The following TMEM43 variants were observed in gnomAD, a reference collection of about 807,000 sequenced individuals.
TMEM43 encodes the protein transmembrane protein 43.
A neutral mutation model predicts 49.6 loss-of-function variants in TMEM43; 45 were observed. That is an observed-to-expected ratio of 0.91 (90% confidence interval 0.71 to 1.16). The LOEUF (loss-of-function observed/expected upper bound fraction) is 1.16, where lower values mean the gene tolerates loss of function less well. Ranked by LOEUF, TMEM43 falls within the 50% of genes most tolerant of loss-of-function variation. The pLI is 0.00. For missense variants in TMEM43, 532 were observed against 516.6 expected (o/e 1.03, Z -0.29); for synonymous variants, 199 against 207.8 (o/e 0.96, Z 0.36).
intron 10 of TMEM43, among the ~76,000 whole-genome samples, chr3:14,137,432 G>A (rs1187388521): frequency 6.6e-6 from 1 of 152,186 alleles, no homozygotes; most frequent in Non-Finnish European, 1.5e-5. Context: ...AGAAAGGAAG[G>A]CCCTGCAGTG....
At chr3:14,139,063 C>T in intron 10 of TMEM43, 117 bp from the exon 11 acceptor site, 1 of 795,318 alleles carries the variant, frequency 1.3e-6, no homozygotes, top group Non-Finnish European at 2.3e-6. Flanking sequence ...CTCCGTCTGG[C>T]CTGTTCAGAA....
At chr3:14,128,339 T>G (rs1324328355) in intron 1 of TMEM43, among the ~76,000 whole-genome samples, 1 of 152,154 alleles carries the variant, frequency 6.6e-6, no homozygotes, top group African/African-American at 2.4e-5. Flanking sequence ...CCAAGCCCTT[T>G]CTTCCTCCAC....
At chr3:14,133,376 A>T (rs993311725) in intron 6 of TMEM43, among the ~76,000 whole-genome samples, 4 of 152,310 alleles carry the variant, frequency 2.6e-5, no homozygotes, top group African/African-American at 9.6e-5. Flanking sequence ...GGCCTTGTTC[A>T]GCAATGGTCT....
chr3:14,130,848 A>G lies in TMEM43; in HGVS notation c.189A>G (p.Ser63=), dbSNP rs934304715. 63 of 1,613,666 alleles carry G rather than the reference A, an allele frequency of 3.9e-5. No homozygotes were observed. The highest frequency in any genetic ancestry group is 5.0e-5 in the Non-Finnish European group (59 of 1,179,886). ...GCCGCGCATTGAAGACGGCAACCTC[A>G]TTGGCTGAGGGGCTCTCGCTTGTGG... The part of the protein sequence containing the change: ...NEGRALKTAT[S]LAEGLSLVVS... The change falls in exon 3 of 12, where the codon TCA becomes TCG. Residue 63 remains serine (S), a synonymous_variant. Transcript: ENST00000306077.
At chr3:14,134,218 G>A (rs1349775669) in intron 7 of TMEM43, among the ~76,000 whole-genome samples, 1 of 152,246 alleles carries the variant, frequency 6.6e-6, no homozygotes, top group Admixed American at 6.5e-5. Flanking sequence ...GAAGGCACTA[G>A]CTTATCACAG....
intron 1 of TMEM43, chr3:14,128,721 T>G (rs1574936251): frequency 3.7e-6 from 1 of 272,732 alleles, no homozygotes; most frequent in East Asian, 1.3e-4. Context: ...CTTGGCAGTT[T>G]CATAAAAAGT....
rs760936714 is a variant in TMEM43, at chr3:14,135,154, C to G, written c.706-4C>G. 36 of 1,611,500 alleles carry G rather than the reference C, an allele frequency of 2.2e-5. No individual in the cohort carries two copies. Among genetic ancestry groups the G allele is most frequent in the Non-Finnish European group, 3.1e-5 (36 of 1,179,576 alleles). On this transcript the variant is annotated splice_region_variant and splice_polypyrimidine_tract_variant and intron_variant, in intron 8 of 11. Transcript: ENST00000306077. Reference sequence around the variant, plus strand: ...CACTCTCCCTGCTTCTCTTCCACCCCCAGGTGGGAGACTTGCGTGTCTCCT... The same window carrying G: ...CACTCTCCCTGCTTCTCTTCCACCCGCAGGTGGGAGACTTGCGTGTCTCCT...
rs1695218671 is a variant in TMEM43, at chr3:14,139,289, A to T, written c.992A>T (p.Tyr331Phe). 6.2e-7 allele frequency: 1 copy of T among 1,613,398 alleles called. No homozygotes were observed. The highest frequency in any genetic ancestry group is 8.5e-7 in the Non-Finnish European group (1 of 1,179,402). Residue 331 changes from tyrosine (Y) to phenylalanine (F), a missense_variant, in exon 11 of 12, where the codon TAC (tyrosine) becomes TTC (phenylalanine). By Grantham distance (22) the Tyr-to-Phe change is conservative (BLOSUM62 3). Transcript: ENST00000306077. ...CTCAACCTTATGACACGGATCCTCT[A>T]CACCTTGGGTAGGTGTTGGGGTGGG... ...MGLNLMTRIL[Y>F]TLVDWFPVFR... is the part of the protein sequence containing the mutation.
intron 1 of TMEM43, 182 bp from the exon 2 acceptor site, chr3:14,129,230 G>T: frequency 1.9e-6 from 1 of 534,154 alleles, no homozygotes; most frequent in Non-Finnish European, 3.1e-6. Flanking sequence ...ATGTTGGTCA[G>T]ATGGAATATA....
Position 14,141,587 on chromosome 3 carries a change from C to G in TMEM43, c.1001-6C>G. 1.2e-6 allele frequency: 2 copies of G among 1,614,078 alleles called. No individual in the cohort carries two copies. The highest frequency in any genetic ancestry group is 1.7e-6 in the Non-Finnish European group (2 of 1,179,994). On this transcript the variant is annotated splice_polypyrimidine_tract_variant and splice_region_variant and intron_variant, in intron 11 of 11. Coordinates refer to ENST00000306077, the MANE Select transcript of TMEM43 (RefSeq NM_024334.3). ...TGGCACCTCATCACCTTTCTCCTTT[C>G]CACAGTGGACTGGTTTCCTGTTTTC...
At chr3:14,130,100 CTT>C (rs1183840585) in intron 2 of TMEM43, among the ~76,000 whole-genome samples, 1 of 130,432 alleles carries the variant, frequency 7.7e-6, no homozygotes, top group East Asian at 2.5e-4. Context: ...TTGTTTCTTT[CTT>C]TCTCTCCCTC....
Position 14,135,788 on chromosome 3 carries a change from C to T in TMEM43, c.781-19C>T, listed in dbSNP as rs978411423. 5 of 1,605,846 alleles carry T rather than the reference C, an allele frequency of 3.1e-6. No homozygotes were observed. Among genetic ancestry groups the T allele is most frequent in the East Asian group, 4.5e-5 (2 of 44,850 alleles). On this transcript the variant is annotated intron_variant, in intron 9 of 11. Coordinates refer to ENST00000306077, the MANE Select transcript of TMEM43 (RefSeq NM_024334.3). ...CCCGCTGGTCACCCCTCAGCTCTAA[C>T]ACCAGGTCCTCTGACCAGGTCACTG...
rs145510310 is a variant in TMEM43 at position 14,129,535 on chromosome 3, T to C, written c.136T>C (p.Ser46Pro). ...TGTGGGGCTCATGGCCTTCCTGCTC[T>C]CCTTCTACCTAATTTTCACCAATGA... is the stretch of plus-strand genomic sequence containing the variant. ...MFVGLMAFLL[S>P]FYLIFTNEGR... The change falls in exon 2 of 12, where the codon TCC becomes CCC. Residue 46 changes from serine (S) to proline (P), a missense_variant. Ser to Pro is a moderately conservative substitution (Grantham distance 74). Transcript: ENST00000306077. The C allele has an allele frequency of 1.9e-6, 3 of 1,614,006 alleles. No homozygotes were observed. The highest frequency in any genetic ancestry group is 2.7e-5 in the African/African-American group (2 of 74,902).
intron 1 of TMEM43, among the ~76,000 whole-genome samples, chr3:14,126,066 C>T (rs931864666): frequency 4.6e-5 from 7 of 152,118 alleles, no homozygotes; most frequent in African/African-American, 1.4e-4. Context: ...CAGCTCTCCC[C>T]TTGCCTGTCA....
Position 14,142,109 on chromosome 3 carries a change from T to G in TMEM43, c.*314T>G. 5 of 422,306 alleles carry G rather than the reference T, an allele frequency of 1.2e-5. No individual in the cohort carries two copies. Among genetic ancestry groups the G allele is most frequent in the East Asian group, 9.6e-5 (2 of 20,754 alleles). 26.2% of individuals were successfully genotyped at this position (422,306 alleles called of 1,614,324 possible). ...GGGTACGGCCAGCCACTCAGCCCAT[T>G]GGCAGCTGACAACGCAGACACGCTC... On this transcript the variant is annotated 3_prime_UTR_variant, in exon 12 of 12. Coordinates refer to ENST00000306077, the MANE Select transcript of TMEM43 (RefSeq NM_024334.3).
At chr3:14,133,557 C>T (rs550614869) in intron 6 of TMEM43, among the ~76,000 whole-genome samples, 182 bp from the exon 7 acceptor site, 2 of 152,128 alleles carry the variant, frequency 1.3e-5, no homozygotes, top group Non-Finnish European at 2.9e-5. Flanking sequence ...TGAGGGTGCT[C>T]AGCCCAGGGG....
intron 1 of TMEM43, among the ~76,000 whole-genome samples, chr3:14,125,972 T>C (rs1432571079): frequency 6.6e-6 from 1 of 152,160 alleles, no homozygotes; most frequent in East Asian, 1.9e-4. Flanking sequence ...TCTCCCCTCC[T>C]CTGTGAAAGT....
intron 11 of TMEM43, 50 bp downstream of exon 11, chr3:14,139,347 C>T: frequency 7.7e-7 from 1 of 1,294,894 alleles, no homozygotes; most frequent in Non-Finnish European, 1.1e-6. Flanking sequence ...CTGAAAGGGC[C>T]TCCTCTGCCT....
At chr3:14,125,626 G>A (rs1458145632) in intron 1 of TMEM43, among the ~76,000 whole-genome samples, 1 of 152,208 alleles carries the variant, frequency 6.6e-6, no homozygotes. Flanking sequence ...TCCAGCCCAA[G>A]TGGAGCTGTC....
Sources: allele counts gnomAD v4.1 joint callset (sites outside exome capture counted in the v4.1 genomes callset), GRCh38; gene constraint gnomAD v4.1.1; transcripts MANE v1.5; gene names NCBI Gene and HGNC (gene_info 2026-07-23, HGNC 2026-07-21).